CYB5R4: variants seen among roughly 807,000 people sequenced by gnomAD.
CYB5R4 encodes cytochrome b5 reductase 4.
In CYB5R4, 55 loss-of-function variants were observed where a neutral mutation model predicts 70.2. The ratio of observed to expected loss-of-function variants is 0.78; its 90% confidence interval spans 0.63 to 0.98. The LOEUF is 0.98. Among genes scored for constraint, CYB5R4 ranks in the 50% least tolerant of loss-of-function variants. CYB5R4 has a pLI of 0.00. For missense variants in CYB5R4, 562 were observed against 612.6 expected (o/e 0.92, Z 0.87); for synonymous variants, 197 against 199.5 (o/e 0.99, Z 0.11).
intron 10 of CYB5R4, among the ~76,000 whole-genome samples, chr6:83,932,430 C>T (rs73749676): frequency 0.042 from 6,418 of 152,146 alleles, 466 homozygotes; most frequent in African/African-American, 0.15. Flanking sequence ...ATTGTCAATC[C>T]AGAAGGTGAG....
chr6:83,929,353 A>G, intron 10 of CYB5R4: 1 of 152,230 alleles, frequency 6.6e-6, no homozygotes, highest in East Asian at 1.9e-4. Context: ...AGCTAAAAGA[A>G]CTTGTTTGAA....
chr6:83,893,723 A>G, intron 3 of CYB5R4, 101 bp downstream of exon 3: 1 of 637,088 alleles, frequency 1.6e-6, no homozygotes. Context: ...CATAAATTCC[A>G]GATGCATTGG....
chr6:83,901,420 A>G (rs891456899), intron 3 of CYB5R4, among the ~76,000 whole-genome samples: 1 of 152,120 alleles, frequency 6.6e-6, no homozygotes, highest in African/African-American at 2.4e-5. Context: ...ACTTTGGTGA[A>G]TCTGACAATT....
chr6:83,957,769 C>T (rs1234247762), intron 15 of CYB5R4, among the ~76,000 whole-genome samples: 2 of 152,010 alleles, frequency 1.3e-5, no homozygotes, highest in African/African-American at 2.4e-5. Flanking sequence ...ATGTGGATTC[C>T]TGCTATTACT....
chr6:83,951,432 C>T (rs2099471505), intron 14 of CYB5R4, among the ~76,000 whole-genome samples: 1 of 152,178 alleles, frequency 6.6e-6, no homozygotes, highest in South Asian at 2.1e-4. Context: ...CATCCCTCCC[C>T]TGCCCCTCCA....
At chr6:83,900,721 A>G (rs1224675534) in intron 3 of CYB5R4, among the ~76,000 whole-genome samples, 2 of 152,134 alleles carry the variant, frequency 1.3e-5, no homozygotes, top group Non-Finnish European at 2.9e-5. Context: ...CCATTATGTA[A>G]TGGCCTTCTT....
At chr6:83,938,455 CTCTT>C (rs2099469262) in intron 12 of CYB5R4, among the ~76,000 whole-genome samples, 1 of 152,178 alleles carries the variant, frequency 6.6e-6, no homozygotes, top group Non-Finnish European at 1.5e-5. Context: ...AATTATTCAT[CTCTT>C]TGTTTCAATC....
At chr6:83,878,840 A>C (rs905040401) in intron 2 of CYB5R4, among the ~76,000 whole-genome samples, 2 of 152,140 alleles carry the variant, frequency 1.3e-5, no homozygotes, top group African/African-American at 4.8e-5. Context: ...CAGACTTCAA[A>C]TTCCTCCAGT....
At chr6:83,942,028 G>T (rs1401725584) in intron 14 of CYB5R4, among the ~76,000 whole-genome samples, 1 of 152,140 alleles carries the variant, frequency 6.6e-6, no homozygotes, top group Admixed American at 6.5e-5. Context: ...AGAAGATAAC[G>T]TAAATGCTTT....
chr6:83,936,464 G>A, intron 12 of CYB5R4, 88 bp downstream of exon 12: 3 of 1,192,674 alleles, frequency 2.5e-6, no homozygotes, highest in Non-Finnish European at 3.6e-6. Context: ...GAGTCTATCA[G>A]ATATCTTTAA....
intron 2 of CYB5R4, among the ~76,000 whole-genome samples, chr6:83,893,267 G>A (rs1232541492): frequency 6.6e-6 from 1 of 152,164 alleles, no homozygotes; most frequent in Non-Finnish European, 1.5e-5. Context: ...ATTGATGTGA[G>A]TGCTAAACTC....
intron 11 of CYB5R4, among the ~76,000 whole-genome samples, 172 bp from the exon 12 acceptor site, chr6:83,936,052 T>C (rs544949334): frequency 1.3e-5 from 2 of 152,230 alleles, no homozygotes; most frequent in South Asian, 4.1e-4. Flanking sequence ...TCGGCACACA[T>C]AGGCTTGGGG....
At chr6:83,883,100 G>A (rs1258772729) in intron 2 of CYB5R4, among the ~76,000 whole-genome samples, 3 of 152,122 alleles carry the variant, frequency 2.0e-5, no homozygotes, top group African/African-American at 7.2e-5. Flanking sequence ...TTTGTTGAAT[G>A]AGCTTAATAG....
At chr6:83,934,978 G>A (rs1057385385) in intron 11 of CYB5R4, among the ~76,000 whole-genome samples, 1 of 152,112 alleles carries the variant, frequency 6.6e-6, no homozygotes, top group Admixed American at 6.6e-5. Flanking sequence ...GATTCCACCA[G>A]CATTGTAATT....
chr6:83,955,581 T>C (rs1453842889), intron 15 of CYB5R4, 119 bp downstream of exon 15: 10 of 968,842 alleles, frequency 1.0e-5, no homozygotes, highest in Non-Finnish European at 1.5e-5. Context: ...CTTACAGTTT[T>C]AGAAAATAAC....
chr6:83,935,126 A>G (rs2099468727), intron 11 of CYB5R4, among the ~76,000 whole-genome samples: 1 of 152,214 alleles, frequency 6.6e-6, no homozygotes, highest in Non-Finnish European at 1.5e-5. Flanking sequence ...GAATCTATAA[A>G]ATTTAAAATA....
chr6:83,890,405 G>A (rs182831152), intron 2 of CYB5R4, among the ~76,000 whole-genome samples: 313 of 152,276 alleles, frequency 2.1e-3, no homozygotes, highest in African/African-American at 7.0e-3. Context: ...ACCCAAAGAT[G>A]TGACTGAAAT....
intron 10 of CYB5R4, among the ~76,000 whole-genome samples, chr6:83,925,080 G>A (rs2099467067): frequency 6.6e-6 from 1 of 152,098 alleles, no homozygotes; most frequent in South Asian, 2.1e-4. Context: ...AAAGAAAAAA[G>A]GTTAATTGGC....
chr6:83,893,435 G>T, intron 2 of CYB5R4, 87 bp from the exon 3 acceptor site: 1 of 743,462 alleles, frequency 1.3e-6, no homozygotes, highest in Non-Finnish European at 2.2e-6. Context: ...GAATGTATTT[G>T]GAAAGATTTA....
Sources: gnomAD v4.1 joint callset for allele counts (sites outside exome capture counted in the v4.1 genomes callset) on GRCh38, gnomAD v4.1.1 for gene constraint, MANE v1.5 for transcripts, NCBI Gene and HGNC (gene_info 2026-07-23, HGNC 2026-07-21) for gene names.